Variants in ZNF493 observed in about 807,000 individuals in gnomAD.
ZNF493 encodes the protein zinc finger protein 493.
ZNF493 carries 11 observed loss-of-function variants against 12.2 expected under a neutral mutation model. The ratio of observed to expected loss-of-function variants is 0.90; its 90% CI spans 0.57 to 1.50. The LOEUF is 1.50. Ranked by LOEUF, ZNF493 falls within the 40% of genes most tolerant of loss-of-function variation. The pLI is 0.00. For synonymous variants in ZNF493, 286 were observed against 302.6 expected (o/e 0.95, Z 0.57); for missense variants, 950 against 906.6 (o/e 1.05, Z -0.61).
intron 3 of ZNF493, among the ~76,000 whole-genome samples, chr19:21,416,845 C>A (rs1226409238): frequency 1.3e-5 from 2 of 152,106 alleles, no homozygotes; most frequent in Non-Finnish European, 2.9e-5. Flanking sequence ...ATATTTGTAC[C>A]CCTTTTAAAC....
Position 21,397,230 on chromosome 19 carries a change from T to G in ZNF493, c.-8T>G, listed in dbSNP as rs375914886. 300 of 1,613,992 alleles carry G rather than the reference T, an allele frequency of 1.9e-4. No individual in the cohort carries two copies. The highest frequency in any genetic ancestry group is 2.5e-4 in the Non-Finnish European group (293 of 1,180,000). ...TGACCTGAAGATACTGGGAAATCCATAGCTAAGATGCCAGGACCCCCTGAA... is the reference window on the plus strand; with the variant it reads ...TGACCTGAAGATACTGGGAAATCCAGAGCTAAGATGCCAGGACCCCCTGAA... On this transcript the variant is annotated 5_prime_UTR_variant, in exon 1 of 4. Transcript: ENST00000392288.
chr19:21,407,714 A>G (rs2030180270), intron 3 of ZNF493: 1 of 978,188 alleles, frequency 1.0e-6, no homozygotes, highest in Admixed American at 6.2e-5. Context: ...GTTTAGACAA[A>G]TTTCAATGTA....
At chr19:21,417,904 A>C (rs12151068) in intron 3 of ZNF493, among the ~76,000 whole-genome samples, 28,280 of 152,254 alleles carry the variant, frequency 0.19, 2,910 homozygotes, top group Non-Finnish European at 0.24. Flanking sequence ...CTTATTACAA[A>C]AGGAGAACCT....
chr19:21,417,610 G>A (rs913459024), intron 3 of ZNF493, among the ~76,000 whole-genome samples: 9 of 152,108 alleles, frequency 5.9e-5, no homozygotes, highest in African/African-American at 1.7e-4. Flanking sequence ...ACATGAAGTG[G>A]TCTTTTCCCA....
chr19:21,400,229 G>A (rs1359530169), intron 1 of ZNF493, among the ~76,000 whole-genome samples: 1 of 152,142 alleles, frequency 6.6e-6, no homozygotes, highest in Non-Finnish European at 1.5e-5. Flanking sequence ...GACCAACATG[G>A]TGAAACCCTG....
intron 3 of ZNF493, 68 bp downstream of exon 3, chr19:21,405,924 A>AAAG: frequency 7.8e-7 from 1 of 1,279,178 alleles, no homozygotes; most frequent in Non-Finnish European, 1.1e-6. Context: ...AAAAAAAAAA[A>AAAG]AAAAAGCCAG....
intron 1 of ZNF493, among the ~76,000 whole-genome samples, chr19:21,404,912 A>G (rs1261929997): frequency 7.4e-5 from 11 of 148,364 alleles, no homozygotes. Context: ...AAGTATATAT[A>G]CAGTGGTGTT....
rs1165870026 is a variant in ZNF493, at chr19:21,427,482, T to TA, written c.*2504dup. 2 of 147,672 alleles carry TA rather than the reference T, an allele frequency of 1.4e-5. No individual in the cohort carries two copies. Among genetic ancestry groups the TA allele is most frequent in the African/African-American group, 4.9e-5 (2 of 41,074 alleles). The allele number at this position is 147,672 out of a possible 1,614,324, so 9.1% of individuals were successfully genotyped here. ...TTATATAATAAAATGCAGTACATTTTAAAAAATTTTAAATTCTGTGTGAAG... is the reference window on the plus strand; with the variant it reads ...TTATATAATAAAATGCAGTACATTTTAAAAAAATTTTAAATTCTGTGTGAAG... On this transcript the variant is annotated 3_prime_UTR_variant, in exon 4 of 4. Coordinates refer to ENST00000392288, the MANE Select transcript of ZNF493 (RefSeq NM_001076678.3).
In ZNF493 at chr19:21,397,264, C is replaced by T; in HGVS notation, c.27C>T (p.Asp9=). The T allele has an allele frequency of 1.9e-6, 3 of 1,614,212 alleles. No individual in the cohort carries two copies. Among genetic ancestry groups the T allele is most frequent in the Non-Finnish European group, 2.5e-6 (3 of 1,180,052 alleles). The change falls in exon 1 of 4, where the codon GAC becomes GAT. Residue 9 remains aspartate, a synonymous_variant. Coordinates refer to ENST00000392288, the MANE Select transcript of ZNF493 (RefSeq NM_001076678.3). ...TGCCAGGACCCCCTGAAAGCCTAGA[C>T]ATGGTGAGAGTGCTGGGTCCGACAT... The part of the protein sequence containing the change: MPGPPESL[D]MGPLTFRDVA...
Position 21,422,119 on chromosome 19 carries a change from T to C in ZNF493, c.254-794T>C, listed in dbSNP as rs946743231. Among the ~76,000 whole-genome samples the C allele has an allele frequency of 2.6e-5, 4 of 152,118 alleles. No individual in the cohort carries two copies. In the East Asian group the frequency reaches 7.7e-4, roughly 29 times the overall value. On this transcript the variant is annotated intron_variant, in intron 3 of 3. Coordinates refer to ENST00000392288, the MANE Select transcript of ZNF493 (RefSeq NM_001076678.3). ...TAGGCCTCGCAAAGTGCTGGGATTATGTGCATGAGCCACTGCACCTGGCCC... is the reference window on the plus strand; with the variant it reads ...TAGGCCTCGCAAAGTGCTGGGATTACGTGCATGAGCCACTGCACCTGGCCC...
rs562830438 is a variant in ZNF493 at position 21,408,475 on chromosome 19, T to G, written c.253+2619T>G. On this transcript the variant is annotated intron_variant, in intron 3 of 3. Transcript: ENST00000392288. Reference sequence around the variant, plus strand: ...ATTAAAAGTTTCTCATCAGAATATTTTATTTATAATTATACTGCATATTCT... The same window carrying G: ...ATTAAAAGTTTCTCATCAGAATATTGTATTTATAATTATACTGCATATTCT... 1.3e-4 allele frequency: 124 copies of G among 984,528 alleles called. 1 individual carries two copies. In the South Asian group the frequency reaches 5.2e-3, roughly 41 times the overall value. 61.0% of individuals were successfully genotyped at this position (984,528 alleles called of 1,614,324 possible). A position where few individuals can be genotyped will look rare whatever the true frequency, so the allele number is the denominator to read the frequency against.
intron 1 of ZNF493, among the ~76,000 whole-genome samples, chr19:21,404,027 A>G (rs1355484143): frequency 6.6e-6 from 1 of 152,204 alleles, no homozygotes; most frequent in Non-Finnish European, 1.5e-5. Context: ...AAGATAAATA[A>G]CATGTAATGT....
intron 2 of ZNF493, 51 bp from the exon 3 acceptor site, chr19:21,405,710 G>T: frequency 4.1e-6 from 6 of 1,479,348 alleles, no homozygotes; most frequent in Non-Finnish European, 5.6e-6. Flanking sequence ...TACTAGGTAG[G>T]TAATTAGAGA....
In ZNF493 at chr19:21,425,020, T is replaced by C; in HGVS notation, c.*36T>C. 6.4e-7 allele frequency: 1 copy of C among 1,566,716 alleles called. No homozygotes were observed. Among genetic ancestry groups the C allele is most frequent in the Non-Finnish European group, 8.6e-7 (1 of 1,160,198 alleles). ...AAAGGCCTTTACTGCTCCTATTCCCTTACTAAAGAATGTGGCAAAGCTTTT... is the reference window on the plus strand; with the variant it reads ...AAAGGCCTTTACTGCTCCTATTCCCCTACTAAAGAATGTGGCAAAGCTTTT... On this transcript the variant is annotated 3_prime_UTR_variant, in exon 4 of 4. Transcript: ENST00000392288.
intron 3 of ZNF493, among the ~76,000 whole-genome samples, chr19:21,415,642 T>C (rs2030465726): frequency 6.6e-6 from 1 of 152,294 alleles, no homozygotes; most frequent in East Asian, 1.9e-4. Flanking sequence ...AATGTAACAC[T>C]GTGAAAATAT....
chr19:21,410,345 A>G (rs1209960801), intron 3 of ZNF493, among the ~76,000 whole-genome samples: 3 of 152,048 alleles, frequency 2.0e-5, no homozygotes, highest in African/African-American at 7.2e-5. Context: ...CATAGGTTTC[A>G]TTTTTATTGC....
intron 1 of ZNF493, among the ~76,000 whole-genome samples, chr19:21,402,490 A>T (rs994825193): frequency 1.3e-5 from 2 of 152,066 alleles, no homozygotes; most frequent in African/African-American, 4.8e-5. Flanking sequence ...CTATGAAGGG[A>T]TCTCTCCTTT....
At chr19:21,413,182 G>T (rs1436903978) in intron 3 of ZNF493, 3 of 317,522 alleles carry the variant, frequency 9.4e-6, no homozygotes, top group Non-Finnish European at 1.8e-5. Flanking sequence ...ATTTTTTCTG[G>T]CCAGGTACTA....
chr19:21,411,719 C>CA (rs557081015), intron 3 of ZNF493, among the ~76,000 whole-genome samples: 20,267 of 129,410 alleles, frequency 0.16, 1,801 homozygotes, highest in Non-Finnish European at 0.23. Flanking sequence ...GACTCCATCT[C>CA]AAAAAAAAAA....
Sources: gnomAD v4.1 joint callset for allele counts (sites outside exome capture counted in the v4.1 genomes callset) on GRCh38, gnomAD v4.1.1 for gene constraint, MANE v1.5 for transcripts, NCBI Gene and HGNC (gene_info 2026-07-23, HGNC 2026-07-21) for gene names.